The following GABBR2 variants were observed in gnomAD, a reference collection of about 807,000 sequenced individuals.
GABBR2 encodes G-protein coupled receptor 51.
A neutral mutation model predicts 105.6 loss-of-function variants in GABBR2; 23 were observed. The ratio of observed to expected loss-of-function variants is 0.22; its 90% CI spans 0.16 to 0.31. The LOEUF is 0.31. Ranked by LOEUF, GABBR2 falls within the 10% of genes least tolerant of loss-of-function variation. The pLI, the probability that GABBR2 is intolerant of heterozygous loss-of-function variation, is 1.00. For synonymous variants in GABBR2, 478 were observed against 499.7 expected (o/e 0.96, Z 0.58); for missense variants, 734 against 1,245.5 (o/e 0.59, Z 6.18).
At chr9:98,619,400 G>C (rs1352693594) in intron 1 of GABBR2, among the ~76,000 whole-genome samples, 3 of 152,124 alleles carry the variant, frequency 2.0e-5, no homozygotes, top group African/African-American at 7.2e-5. Context: ...GTACAGCCCA[G>C]AAAGAGAGAT....
intron 1 of GABBR2, among the ~76,000 whole-genome samples, chr9:98,653,035 T>C (rs1401836270): frequency 1.3e-5 from 2 of 152,232 alleles, no homozygotes; most frequent in Non-Finnish European, 1.5e-5. Context: ...CTTGCTCTGT[T>C]ACCCAGGCTG....
chr9:98,357,408 G>A (rs1416842067), intron 13 of GABBR2, among the ~76,000 whole-genome samples: 2 of 152,164 alleles, frequency 1.3e-5, no homozygotes, highest in African/African-American at 4.8e-5. Context: ...GGCACTTTGG[G>A]AGGCCAGGGC....
At chr9:98,567,022 G>A (rs1485320900) in intron 2 of GABBR2, among the ~76,000 whole-genome samples, 1 of 152,162 alleles carries the variant, frequency 6.6e-6, no homozygotes, top group African/African-American at 2.4e-5. Flanking sequence ...CTTTCTAGAT[G>A]CAATCTGTAA....
chr9:98,605,368 G>C (rs1028056716), intron 1 of GABBR2, among the ~76,000 whole-genome samples: 2 of 152,206 alleles, frequency 1.3e-5, no homozygotes, highest in Admixed American at 1.3e-4. Context: ...TCCCCAGGAC[G>C]GTACTGCAGA....
chr9:98,313,319 C>T (rs1195460072), intron 13 of GABBR2, among the ~76,000 whole-genome samples: 1 of 152,160 alleles, frequency 6.6e-6, no homozygotes, highest in Non-Finnish European at 1.5e-5. Context: ...TGTTTAGAAA[C>T]CAAGATGTAG....
Position 98,388,736 on chromosome 9 carries a change from ACT to A in GABBR2, c.1529+116_1529+117del, listed in dbSNP as rs1280256620. ...TAGCAACGGAGGAACACTTTGGGAA[ACT>A]CTGCCCTGCAGACTTCTGTGTCCCT... On this transcript the variant is annotated intron_variant, in intron 10 of 18. Transcript: ENST00000259455. The surrounding 1 kb of genome is among the most constrained non-coding windows in gnomAD (Gnocchi z 4.4). 2.6e-6 allele frequency: 2 copies of A among 782,918 alleles called. No homozygotes were observed. Among genetic ancestry groups the A allele is most frequent in the East Asian group, 2.6e-5 (1 of 38,568 alleles). The allele number at this position is 782,918 out of a possible 1,614,324, so 48.5% of individuals were successfully genotyped here.
intron 2 of GABBR2, among the ~76,000 whole-genome samples, chr9:98,562,112 A>AAGGTG (rs1173362955): frequency 2.0e-5 from 3 of 152,204 alleles, no homozygotes; most frequent in African/African-American, 7.2e-5. Flanking sequence ...GATCAAATTT[A>AAGGTG]GTATCATCAA....
At chr9:98,665,681 T>C (rs1354198283) in intron 1 of GABBR2, among the ~76,000 whole-genome samples, 1 of 152,200 alleles carries the variant, frequency 6.6e-6, no homozygotes, top group Non-Finnish European at 1.5e-5. Context: ...AACTAGATGC[T>C]GCTTGAAAGG....
intron 1 of GABBR2, among the ~76,000 whole-genome samples, chr9:98,604,864 C>A (rs528698842): frequency 1.3e-5 from 2 of 152,178 alleles, no homozygotes; most frequent in South Asian, 4.1e-4. Context: ...TAGTTGTTTG[C>A]GGGGCTGGTA....
At chr9:98,546,003 C>G (rs1043697752) in intron 2 of GABBR2, among the ~76,000 whole-genome samples, 2 of 152,150 alleles carry the variant, frequency 1.3e-5, no homozygotes, top group African/African-American at 4.8e-5. Context: ...TAATTCCTAG[C>G]CAAGGATTTA....
At chr9:98,614,157 G>A (rs1238366726) in intron 1 of GABBR2, among the ~76,000 whole-genome samples, 3 of 152,126 alleles carry the variant, frequency 2.0e-5, no homozygotes, top group Non-Finnish European at 4.4e-5. Flanking sequence ...GTGGCAGAAG[G>A]AACACTCAAA....
Position 98,394,037 on chromosome 9 carries a change from G to A in GABBR2, c.1378+138C>T. On this transcript the variant is annotated intron_variant, in intron 9 of 18. Coordinates refer to ENST00000259455, the MANE Select transcript of GABBR2 (RefSeq NM_005458.8). Reference sequence around the variant, plus strand: ...AAGTGATTGGAGCCCTGTGCTCAACGATTGAGTGCATGTGTTGAGGATGTT... The same window carrying A: ...AAGTGATTGGAGCCCTGTGCTCAACAATTGAGTGCATGTGTTGAGGATGTT... The A allele has an allele frequency of 9.3e-6, 6 of 644,814 alleles. No individual in the cohort carries two copies. The South Asian group carries it at 1.1e-4, about 12-fold the overall frequency. The allele number at this position is 644,814 out of a possible 1,614,324, so 39.9% of individuals were successfully genotyped here.
chr9:98,540,377 A>G (rs1828270772), intron 3 of GABBR2, among the ~76,000 whole-genome samples: 1 of 152,236 alleles, frequency 6.6e-6, no homozygotes, highest in African/African-American at 2.4e-5. Flanking sequence ...GAGGCATGCA[A>G]GAAGTTATTG....
intron 13 of GABBR2, among the ~76,000 whole-genome samples, chr9:98,324,770 C>T (rs532387035): frequency 6.6e-6 from 1 of 152,240 alleles, no homozygotes; most frequent in African/African-American, 2.4e-5. Flanking sequence ...GCTCATTTTT[C>T]TGGGCCAGGT....
chr9:98,414,241 T>C (rs901043102), intron 7 of GABBR2, among the ~76,000 whole-genome samples: 1 of 152,214 alleles, frequency 6.6e-6, no homozygotes, highest in African/African-American at 2.4e-5. Context: ...AGGAGGGCCT[T>C]TCCAGGAAGG....
intron 1 of GABBR2, among the ~76,000 whole-genome samples, chr9:98,634,395 T>C (rs1331111886): frequency 6.6e-6 from 1 of 152,178 alleles, no homozygotes; most frequent in East Asian, 1.9e-4. Flanking sequence ...ATATAATCAG[T>C]TAAGGATCTT....
intron 1 of GABBR2, among the ~76,000 whole-genome samples, chr9:98,681,830 T>C (rs543949500): frequency 6.6e-6 from 1 of 152,302 alleles, no homozygotes; most frequent in South Asian, 2.1e-4. Flanking sequence ...ATAAGTGGGT[T>C]ATTTATAAAG....
At position 98,705,377 on chromosome 9, in the gene GABBR2, C is replaced by T. The variant is rs1218937738; in HGVS notation, c.321+3040G>A. ...GTTGTAGGAGGCTCCTTTATTGAGACAGATTGTCCCCAGGGACCAGATTAA... is the reference window on the plus strand; with the variant it reads ...GTTGTAGGAGGCTCCTTTATTGAGATAGATTGTCCCCAGGGACCAGATTAA... On this transcript the variant is annotated intron_variant, in intron 1 of 18. Transcript: ENST00000259455. 3.9e-5 allele frequency among the ~76,000 whole-genome samples: 6 copies of T among 152,312 alleles called. No homozygotes were observed. In the East Asian group the frequency reaches 1.2e-3, roughly 29 times the overall value.
chr9:98,444,868 T>A (rs1248201167), intron 7 of GABBR2, among the ~76,000 whole-genome samples: 2 of 115,180 alleles, frequency 1.7e-5, no homozygotes, highest in Non-Finnish European at 3.8e-5. Flanking sequence ...CATATGCACA[T>A]GCGCGCGCGC....
Sources: allele counts gnomAD v4.1 joint callset (sites outside exome capture counted in the v4.1 genomes callset), GRCh38; gene constraint gnomAD v4.1.1; non-coding constraint Gnocchi (gnomAD v3.1); transcripts MANE v1.5; gene names NCBI Gene and HGNC (gene_info 2026-07-23, HGNC 2026-07-21).